Variants in HLCS observed in about 807,000 individuals in gnomAD.
HLCS encodes the protein holocarboxylase synthetase.
HLCS carries 53 observed loss-of-function variants against 75.0 expected under a neutral mutation model. The ratio of observed to expected loss-of-function variants is 0.71; its 90% confidence interval spans 0.57 to 0.89. The LOEUF (loss-of-function observed/expected upper bound fraction) is 0.89, where lower values mean the gene tolerates loss of function less well. Ranked by LOEUF, HLCS falls within the 40% of genes least tolerant of loss-of-function variation. The pLI, the probability that HLCS is intolerant of heterozygous loss-of-function variation, is 0.00. For synonymous variants in HLCS, 431 were observed against 428.6 expected (o/e 1.01, Z -0.07); for missense variants, 966 against 1,074.0 (o/e 0.90, Z 1.41).
At chr21:36,938,785 T>C in intron 3 of HLCS, 47 bp downstream of exon 3, 1 of 1,595,122 alleles carries the variant, frequency 6.3e-7, no homozygotes, top group Non-Finnish European at 8.6e-7. Context: ...ATTACAGGCA[T>C]GAGCCACTAT....
chr21:36,763,349 C>A (rs1438345205), intron 8 of HLCS, among the ~76,000 whole-genome samples: 1 of 152,214 alleles, frequency 6.6e-6, no homozygotes, highest in Non-Finnish European at 1.5e-5. Context: ...AGACAGAATG[C>A]ACAGCTCAGG....
chr21:36,840,568 T>A (rs1422114963), intron 6 of HLCS, among the ~76,000 whole-genome samples: 2 of 152,230 alleles, frequency 1.3e-5, no homozygotes. Flanking sequence ...GTAATCTTCC[T>A]ATATGATGAG....
chr21:36,807,612 C>T (rs1026328514), intron 6 of HLCS, among the ~76,000 whole-genome samples: 10 of 152,170 alleles, frequency 6.6e-5, no homozygotes, highest in African/African-American at 2.4e-4. Context: ...GCCAGAGGTT[C>T]GTCCTCACAA....
intron 5 of HLCS, among the ~76,000 whole-genome samples, chr21:36,906,921 T>C (rs2065482723): frequency 6.6e-6 from 1 of 152,168 alleles, no homozygotes; most frequent in South Asian, 2.1e-4. Flanking sequence ...TTTTTTTTAA[T>C]TTTTTTGAGA....
intron 6 of HLCS, among the ~76,000 whole-genome samples, chr21:36,821,524 A>G (rs1268415172): frequency 6.6e-6 from 1 of 152,194 alleles, no homozygotes; most frequent in Non-Finnish European, 1.5e-5. Context: ...ATCCTTGGCC[A>G]ACTCTGCAGA....
chr21:36,880,378 A>AAAAAC (rs1295277169), intron 6 of HLCS, among the ~76,000 whole-genome samples: 2 of 152,304 alleles, frequency 1.3e-5, no homozygotes, highest in African/African-American at 2.4e-5. Flanking sequence ...AATTGAGCTA[A>AAAAAC]AAAACAAAAC....
At chr21:36,863,963 C>G (rs1159475039) in intron 6 of HLCS, among the ~76,000 whole-genome samples, 5 of 152,140 alleles carry the variant, frequency 3.3e-5, no homozygotes, top group Admixed American at 2.0e-4. Context: ...AAAAGTTTTC[C>G]GTCTAAGCTA....
chr21:36,844,993 C>T (rs561127074), intron 6 of HLCS, among the ~76,000 whole-genome samples: 15 of 152,058 alleles, frequency 9.9e-5, no homozygotes, highest in East Asian at 3.9e-4. Context: ...CAATTAAGGC[C>T]GATGTGCAAA....
At chr21:36,830,445 T>G (rs2062163719) in intron 6 of HLCS, among the ~76,000 whole-genome samples, 1 of 152,196 alleles carries the variant, frequency 6.6e-6, no homozygotes, top group Non-Finnish European at 1.5e-5. Flanking sequence ...CTTGTCAGAA[T>G]ATATCTTTCT....
intron 6 of HLCS, among the ~76,000 whole-genome samples, chr21:36,840,698 C>T (rs1287646733): frequency 1.3e-5 from 2 of 152,046 alleles, no homozygotes; most frequent in Admixed American, 6.6e-5. Flanking sequence ...CTTCAACCTC[C>T]GCCTCCCAGG....
In HLCS at chr21:36,753,934, C is replaced by T; in HGVS notation, c.*312G>A. On this transcript the variant is annotated 3_prime_UTR_variant, in exon 11 of 11. Transcript: ENST00000674895. This position sits in a 1 kb window ranked among gnomAD's most constrained non-coding sequence, Gnocchi z 4.3. ...TACTAAGAAAATATCTGAATTTTCC[C>T]ATTGTCATTTCCATGTAAAAACTCC... The T allele has an allele frequency of 4.5e-6, 2 of 439,756 alleles. No individual in the cohort carries two copies. The highest frequency in any genetic ancestry group is 4.4e-5 in the South Asian group (2 of 45,672). 27.2% of individuals were successfully genotyped at this position (439,756 alleles called of 1,614,324 possible).
intron 5 of HLCS, among the ~76,000 whole-genome samples, chr21:36,898,118 AGAG>A (rs932299100): frequency 6.6e-6 from 1 of 152,180 alleles, no homozygotes; most frequent in East Asian, 1.9e-4. Flanking sequence ...CAGATAATAC[AGAG>A]GAGAAGAGAA....
At chr21:36,775,014 T>C (rs924404661) in intron 6 of HLCS, among the ~76,000 whole-genome samples, 2 of 152,208 alleles carry the variant, frequency 1.3e-5, no homozygotes, top group African/African-American at 4.8e-5. Context: ...GCTCTTGGTG[T>C]AGAACAGGAT....
intron 6 of HLCS, among the ~76,000 whole-genome samples, chr21:36,889,331 C>A (rs2146304878): frequency 6.6e-6 from 1 of 152,318 alleles, no homozygotes; most frequent in East Asian, 1.9e-4. Context: ...CATCTGCTCA[C>A]CACACACTGC....
intron 5 of HLCS, among the ~76,000 whole-genome samples, chr21:36,925,260 T>C (rs1177914730): frequency 6.6e-6 from 1 of 152,200 alleles, no homozygotes; most frequent in Admixed American, 6.5e-5. Flanking sequence ...AGTTGTCACT[T>C]CTTGTGACAG....
intron 6 of HLCS, among the ~76,000 whole-genome samples, chr21:36,785,164 C>T: frequency 6.6e-6 from 1 of 152,108 alleles, no homozygotes; most frequent in Non-Finnish European, 1.5e-5. Context: ...TTCCTCTTTC[C>T]CTCTCTCGGC....
chr21:36,860,623 G>C (rs2063352588), intron 6 of HLCS, among the ~76,000 whole-genome samples: 1 of 152,196 alleles, frequency 6.6e-6, no homozygotes, highest in Admixed American at 6.5e-5. Context: ...GGAAGGAGGA[G>C]AGGCTGAAGA....
chr21:36,938,379 A>T (rs967330530), intron 3 of HLCS, among the ~76,000 whole-genome samples: 1 of 152,250 alleles, frequency 6.6e-6, no homozygotes, highest in East Asian at 1.9e-4. Flanking sequence ...ATCTTGACAC[A>T]TGCATGAATT....
At chr21:36,935,471 A>T (rs983408986) in intron 4 of HLCS, among the ~76,000 whole-genome samples, 1 of 152,236 alleles carries the variant, frequency 6.6e-6, no homozygotes, top group African/African-American at 2.4e-5. Context: ...CTGGAAAAAG[A>T]CAAGGCATTA....
Sources: gnomAD v4.1 joint callset for allele counts (sites outside exome capture counted in the v4.1 genomes callset) on GRCh38, gnomAD v4.1.1 for gene constraint, Gnocchi (gnomAD v3.1) non-coding constraint, MANE v1.5 for transcripts, NCBI Gene and HGNC (gene_info 2026-07-23, HGNC 2026-07-21) for gene names.